CTNNA2: variants seen among roughly 807,000 people sequenced by gnomAD.
CTNNA2 encodes catenin alpha-2.
In CTNNA2, 42 loss-of-function variants were observed where a neutral mutation model predicts 101.0. The observed-to-expected ratio is 0.42, with a 90% confidence interval of 0.32 to 0.54. CTNNA2 has a LOEUF of 0.54. CTNNA2 is among the 20% of genes least tolerant of loss of function. The pLI is 0.14. For missense variants in CTNNA2, 871 were observed against 1,223.1 expected (o/e 0.71, Z 4.29); for synonymous variants, 450 against 456.4 (o/e 0.99, Z 0.18).
intron 4 of CTNNA2, among the ~76,000 whole-genome samples, chr2:79,418,401 T>A (rs560499738): frequency 6.6e-6 from 1 of 152,118 alleles, no homozygotes; most frequent in South Asian, 2.1e-4. Context: ...AAACTAAATG[T>A]CTCCCAAAGT....
chr2:79,231,550 T>A (rs1258305865), intron 2 of CTNNA2, among the ~76,000 whole-genome samples: 1 of 152,184 alleles, frequency 6.6e-6, no homozygotes, highest in Non-Finnish European at 1.5e-5. Flanking sequence ...TTTTGTTTGT[T>A]TGTTTGTTCC....
At chr2:80,185,677 C>A (rs932113003) in intron 7 of CTNNA2, among the ~76,000 whole-genome samples, 1 of 152,088 alleles carries the variant, frequency 6.6e-6, no homozygotes, top group Admixed American at 6.5e-5. Flanking sequence ...TCGGTGAGTC[C>A]TTTTTGTTAA....
intron 7 of CTNNA2, among the ~76,000 whole-genome samples, chr2:80,158,182 A>G (rs180795575): frequency 6.6e-6 from 1 of 152,182 alleles, no homozygotes; most frequent in African/African-American, 2.4e-5. Flanking sequence ...TCAGAGAGTA[A>G]GGTTGCCCCA....
chr2:80,609,321 C>T lies in CTNNA2; in HGVS notation c.2430+1003C>T, dbSNP rs117433835. Among the ~76,000 whole-genome samples, 60 of 151,928 alleles carry T rather than the reference C, an allele frequency of 3.9e-4. 1 individual carries two copies. The East Asian group carries it at 0.011, about 27-fold the overall frequency. The stretch of plus-strand genomic sequence containing the variant: ...GTGAACAAATCATTCTTGAACCCAA[C>T]TGTTTTTGTTCCCATATTGTTTGAG... On this transcript the variant is annotated intron_variant, in intron 17 of 18. Coordinates refer to ENST00000402739, the MANE Select transcript of CTNNA2 (RefSeq NM_001282597.3).
intron 18 of CTNNA2, among the ~76,000 whole-genome samples, chr2:80,623,242 G>A (rs1214591322): frequency 2.0e-5 from 3 of 151,634 alleles, no homozygotes; most frequent in East Asian, 2.0e-4. Flanking sequence ...CCTGTTCTAC[G>A]TATGATGCAT....
intron 2 of CTNNA2, among the ~76,000 whole-genome samples, chr2:79,702,016 A>C (rs890502951): frequency 2.6e-5 from 4 of 151,290 alleles, no homozygotes; most frequent in African/African-American, 9.7e-5. Flanking sequence ...AAAAAAAAAA[A>C]AAAAAAGACT....
chr2:80,088,511 CAT>C (rs1699585440), intron 7 of CTNNA2, among the ~76,000 whole-genome samples: 1 of 151,974 alleles, frequency 6.6e-6, no homozygotes, highest in South Asian at 2.1e-4. Flanking sequence ...TGGGAGTAGA[CAT>C]ATTTATTCAA....
chr2:79,531,612 C>T (rs1672747746), intron 1 of CTNNA2, among the ~76,000 whole-genome samples: 1 of 151,838 alleles, frequency 6.6e-6, no homozygotes, highest in Non-Finnish European at 1.5e-5. Flanking sequence ...TAAGCATTGA[C>T]ACAAAAGATA....
chr2:79,385,611 A>G (rs775319257), intron 4 of CTNNA2, among the ~76,000 whole-genome samples: 6 of 151,778 alleles, frequency 4.0e-5, no homozygotes, highest in Non-Finnish European at 7.4e-5. Flanking sequence ...GGTTTACTGC[A>G]CCTATCAACC....
intron 7 of CTNNA2, among the ~76,000 whole-genome samples, chr2:80,195,074 G>A (rs184407431): frequency 2.2e-4 from 33 of 152,150 alleles, no homozygotes; most frequent in East Asian, 3.9e-4. Flanking sequence ...AGCAACTAGC[G>A]GACCTTTACT....
intron 17 of CTNNA2, among the ~76,000 whole-genome samples, chr2:80,617,582 ATTTAC>A (rs928591111): frequency 2.3e-4 from 35 of 151,668 alleles, no homozygotes; most frequent in African/African-American, 7.0e-4. Context: ...TTTCTTTTCT[ATTTAC>A]TTTAATTCTT....
Position 80,250,888 on chromosome 2 carries a change from A to G in CTNNA2, c.1057-142323A>G, listed in dbSNP as rs145533802. On this transcript the variant is annotated intron_variant, in intron 7 of 18. Transcript: ENST00000402739. ...ATACACTCCAATTCTAGTGCTATGC[A>G]TACTATGATATTGGTAGGTATTAAA... Among the ~76,000 whole-genome samples, 10 of 152,306 alleles carry G rather than the reference A, an allele frequency of 6.6e-5. No individual in the cohort carries two copies. In the East Asian group the frequency reaches 1.7e-3, roughly 26 times the overall value.
intron 7 of CTNNA2, among the ~76,000 whole-genome samples, chr2:80,255,326 C>G (rs1672061289): frequency 6.6e-6 from 1 of 152,052 alleles, no homozygotes; most frequent in African/African-American, 2.4e-5. Context: ...AAAGCCAGTG[C>G]CCCATGGTAA....
At chr2:79,527,648 G>A (rs999760430) in intron 1 of CTNNA2, among the ~76,000 whole-genome samples, 10 of 151,470 alleles carry the variant, frequency 6.6e-5, no homozygotes, top group Admixed American at 3.3e-4. Flanking sequence ...AATAAACGTT[G>A]GTGAGAAATA....
At chr2:80,431,682 C>G (rs1226877687) in intron 9 of CTNNA2, among the ~76,000 whole-genome samples, 1 of 152,148 alleles carries the variant, frequency 6.6e-6, no homozygotes, top group Non-Finnish European at 1.5e-5. Context: ...ACCCATCACT[C>G]CTTATTGTAC....
intron 7 of CTNNA2, among the ~76,000 whole-genome samples, chr2:80,079,542 C>T (rs1287422932): frequency 6.6e-6 from 1 of 152,212 alleles, no homozygotes; most frequent in Non-Finnish European, 1.5e-5. Flanking sequence ...CGGCTGGGCG[C>T]AGTGGCTCAC....
chr2:79,206,582 ATCT>A (rs1558573238), intron 2 of CTNNA2, among the ~76,000 whole-genome samples: 1 of 152,076 alleles, frequency 6.6e-6, no homozygotes, highest in Non-Finnish European at 1.5e-5. Flanking sequence ...TCATTTATTC[ATCT>A]TCTTTGTGTA....
intron 3 of CTNNA2, among the ~76,000 whole-genome samples, chr2:79,830,860 A>G (rs1267107502): frequency 2.0e-5 from 3 of 152,212 alleles, no homozygotes; most frequent in Admixed American, 2.0e-4. Flanking sequence ...TGAGTCTCCA[A>G]AGATATTTTA....
chr2:79,858,236 T>C lies in CTNNA2; in HGVS notation c.465+57T>C, dbSNP rs887985224. ...TATGTGAGTGGCAATCTTGACCGTG[T>C]GTATTACAGCTCTGGCCTCTACTCT... On this transcript the variant is annotated intron_variant, in intron 4 of 18. Transcript: ENST00000402739. 5.7e-6 allele frequency: 8 copies of C among 1,393,664 alleles called. No individual in the cohort carries two copies. In the Admixed American group the frequency reaches 6.9e-5, roughly 12 times the overall value. 86.3% of individuals were successfully genotyped at this position (1,393,664 alleles called of 1,614,324 possible). A position where few individuals can be genotyped will look rare whatever the true frequency, so the allele number is the denominator to read the frequency against.
Sources: gnomAD v4.1 joint callset for allele counts (sites outside exome capture counted in the v4.1 genomes callset) on GRCh38, gnomAD v4.1.1 for gene constraint, MANE v1.5 for transcripts, NCBI Gene and HGNC (gene_info 2026-07-23, HGNC 2026-07-21) for gene names.